PIGK: variants seen among roughly 807,000 people sequenced by gnomAD.
PIGK encodes phosphatidylinositol glycan anchor biosynthesis class K.
A neutral mutation model predicts 50.6 loss-of-function variants in PIGK; 42 were observed. The observed-to-expected ratio is 0.83, with a 90% CI of 0.65 to 1.07. The LOEUF is 1.07. Among genes scored for constraint, PIGK ranks in the 50% least tolerant of loss-of-function variants. The probability of loss-of-function intolerance (pLI) is 0.00; values close to 1 mark genes in which losing one functional copy is unlikely to be tolerated. For missense variants in PIGK, 448 were observed against 488.7 expected, an observed-to-expected ratio of 0.92 and a Z score of 0.78; for synonymous variants, 151 against 156.0, an observed-to-expected ratio of 0.97 and a Z score of 0.24.
chr1:77,164,821 T>C (rs1655201110), intron 5 of PIGK, among the ~76,000 whole-genome samples: 1 of 152,136 alleles, frequency 6.6e-6, no homozygotes, highest in Admixed American at 6.6e-5. Flanking sequence ...AATGCACTGC[T>C]GTGAGAATGA....
Position 77,154,439 on chromosome 1 carries a change from A to G in PIGK, c.986+10T>C, listed in dbSNP as rs747425416. 3.8e-6 allele frequency: 6 copies of G among 1,590,818 alleles called. No homozygotes were observed. The Admixed American group carries it at 6.7e-5, about 18-fold the overall frequency. ...AGTATTCTATTCAAATAATGGTTTA[A>G]GATGAATACCTGCTTTCCATGATTT... On this transcript the variant is annotated intron_variant, in intron 9 of 10. Transcript: ENST00000370812.
chr1:77,191,727 A>G (rs1300945719), intron 3 of PIGK, among the ~76,000 whole-genome samples: 1 of 152,212 alleles, frequency 6.6e-6, no homozygotes, highest in East Asian at 1.9e-4. Context: ...TCATTTTCTT[A>G]AAAATCTTTT....
intron 3 of PIGK, among the ~76,000 whole-genome samples, chr1:77,200,264 T>C (rs192531699): frequency 6.7e-4 from 102 of 152,092 alleles, no homozygotes; most frequent in African/African-American, 2.3e-3. Context: ...ACAATGTATA[T>C]TGAAGTACAT....
At chr1:77,095,838 TCA>T (rs1242383903) in intron 10 of PIGK, among the ~76,000 whole-genome samples, 2 of 152,028 alleles carry the variant, frequency 1.3e-5, no homozygotes, top group Non-Finnish European at 2.9e-5. Context: ...AACCTATTCC[TCA>T]GATACAGATT....
At chr1:77,134,011 T>A (rs1487073923) in intron 9 of PIGK, among the ~76,000 whole-genome samples, 1 of 152,166 alleles carries the variant, frequency 6.6e-6, no homozygotes, top group Non-Finnish European at 1.5e-5. Flanking sequence ...GGTATGTGAC[T>A]TTTCTATGCA....
intron 10 of PIGK, among the ~76,000 whole-genome samples, chr1:77,101,831 C>T (rs995485829): frequency 1.3e-5 from 2 of 152,026 alleles, no homozygotes; most frequent in African/African-American, 4.8e-5. Context: ...TGGTGAAACC[C>T]CATCTCTACT....
intron 10 of PIGK, among the ~76,000 whole-genome samples, chr1:77,113,577 T>TA (rs1251976249): frequency 1.3e-5 from 2 of 151,890 alleles, no homozygotes; most frequent in South Asian, 2.1e-4. Context: ...GAAAGAGATT[T>TA]AAAAAAAATA....
intron 3 of PIGK, among the ~76,000 whole-genome samples, chr1:77,198,986 G>C (rs150317772): frequency 3.1e-4 from 47 of 152,164 alleles, no homozygotes; most frequent in African/African-American, 1.0e-3. Flanking sequence ...CAGTAGTAAA[G>C]ACATTGTGGT....
intron 5 of PIGK, among the ~76,000 whole-genome samples, chr1:77,165,638 G>A (rs1655217631): frequency 6.7e-6 from 1 of 149,342 alleles, no homozygotes; most frequent in South Asian, 2.1e-4. Context: ...TATAATCAAT[G>A]ACATCTTGGA....
chr1:77,185,821 C>A (rs1052043333), intron 3 of PIGK, among the ~76,000 whole-genome samples: 1 of 151,112 alleles, frequency 6.6e-6, no homozygotes, highest in Non-Finnish European at 1.5e-5. Flanking sequence ...CATAGGTGAA[C>A]CACAGCGGAG....
intron 3 of PIGK, among the ~76,000 whole-genome samples, chr1:77,194,568 T>A (rs2100578249): frequency 7.3e-6 from 1 of 137,662 alleles, no homozygotes; most frequent in East Asian, 2.1e-4. Context: ...TTCTCACTTA[T>A]AAGTAGGAGC....
rs187893771 is a variant in PIGK, at chr1:77,157,372, A to T, written c.814-2751T>A. On this transcript the variant is annotated intron_variant, in intron 8 of 10. Transcript: ENST00000370812. Reference sequence around the variant, plus strand: ...GAGGTATTAGTGAGGAATGTTTATTAAAAACTAAATAGCAATTAAGAGCAA... The same window carrying T: ...GAGGTATTAGTGAGGAATGTTTATTTAAAACTAAATAGCAATTAAGAGCAA... 1.0e-3 allele frequency among the ~76,000 whole-genome samples: 158 copies of T among 152,324 alleles called. 1 individual carries two copies. The highest frequency in any genetic ancestry group is 3.6e-3 in the African/African-American group (149 of 41,570).
intron 9 of PIGK, among the ~76,000 whole-genome samples, chr1:77,124,480 G>A (rs1043114704): frequency 5.9e-5 from 9 of 151,892 alleles, no homozygotes; most frequent in Non-Finnish European, 1.0e-4. Flanking sequence ...ATGGTGGTGC[G>A]CACCTGTAGT....
chr1:77,207,425 T>C (rs1656314644), intron 2 of PIGK, among the ~76,000 whole-genome samples: 1 of 152,324 alleles, frequency 6.6e-6, no homozygotes, highest in Non-Finnish European at 1.5e-5. Flanking sequence ...CATAGGGTTA[T>C]ACAATATTTG....
chr1:77,108,994 A>T (rs1171217000), intron 10 of PIGK, among the ~76,000 whole-genome samples: 1 of 152,148 alleles, frequency 6.6e-6, no homozygotes, highest in Non-Finnish European at 1.5e-5. Flanking sequence ...CCATTCGTCT[A>T]ACCTTTTTAT....
chr1:77,120,758 C>T (rs1432228445), intron 10 of PIGK, among the ~76,000 whole-genome samples: 2 of 152,094 alleles, frequency 1.3e-5, no homozygotes, highest in African/African-American at 4.8e-5. Flanking sequence ...TACATAAATT[C>T]CTATTGTGTA....
chr1:77,184,056 G>C (rs936155620), intron 3 of PIGK, among the ~76,000 whole-genome samples: 15 of 152,110 alleles, frequency 9.9e-5, no homozygotes, highest in African/African-American at 3.6e-4. Context: ...AAATACAGTG[G>C]AAATAATGGG....
At chr1:77,180,046 T>G (rs930617517) in intron 3 of PIGK, among the ~76,000 whole-genome samples, 1 of 152,134 alleles carries the variant, frequency 6.6e-6, no homozygotes, top group Non-Finnish European at 1.5e-5. Flanking sequence ...GAAGCTACTC[T>G]AAAGACATAC....
At chr1:77,093,961 A>T (rs1157796379) in intron 10 of PIGK, among the ~76,000 whole-genome samples, 1 of 152,166 alleles carries the variant, frequency 6.6e-6, no homozygotes, top group Non-Finnish European at 1.5e-5. Context: ...AAAATCTAGA[A>T]TAATTAATAA....
Sources: allele counts gnomAD v4.1 joint callset (sites outside exome capture counted in the v4.1 genomes callset), GRCh38; gene constraint gnomAD v4.1.1; transcripts MANE v1.5; gene names NCBI Gene and HGNC (gene_info 2026-07-23, HGNC 2026-07-21).